The following PTPRR variants were observed in gnomAD, a reference collection of about 807,000 sequenced individuals.
The protein encoded by PTPRR is receptor-type tyrosine-protein phosphatase R.
PTPRR carries 38 observed loss-of-function variants against 77.2 expected under a neutral mutation model. The ratio of observed to expected loss-of-function variants is 0.49; its 90% confidence interval spans 0.38 to 0.65. The LOEUF (loss-of-function observed/expected upper bound fraction) is 0.65. PTPRR is among the 30% of genes least tolerant of loss of function. The probability of loss-of-function intolerance (pLI) is 0.00; values close to 1 mark genes in which losing one functional copy is unlikely to be tolerated. For synonymous variants in PTPRR, 299 were observed against 283.1 expected, an observed-to-expected ratio of 1.06 and a Z score of -0.57; for missense variants, 744 against 799.2, an observed-to-expected ratio of 0.93 and a Z score of 0.83.
At chr12:70,675,213 G>A (rs368899086) in intron 10 of PTPRR, among the ~76,000 whole-genome samples, 3 of 151,862 alleles carry the variant, frequency 2.0e-5, no homozygotes, top group South Asian at 4.2e-4. Context: ...TCCTCTTGTA[G>A]GCAGCATTTA....
intron 7 of PTPRR, 136 bp downstream of exon 7, chr12:70,701,001 G>T: frequency 7.0e-6 from 6 of 855,572 alleles, no homozygotes; most frequent in Non-Finnish European, 7.2e-6. Context: ...GAGACTGAGT[G>T]AATCTAAAAC....
At chr12:70,704,157 G>T (rs1513106) in intron 6 of PTPRR, among the ~76,000 whole-genome samples, 1,939 of 152,082 alleles carry the variant, frequency 0.013, 33 homozygotes, top group Middle Eastern at 0.02. Flanking sequence ...GATGTTGGCT[G>T]ACATCTGTAA....
At chr12:70,741,582 A>G (rs1262580511) in intron 6 of PTPRR, among the ~76,000 whole-genome samples, 1 of 151,912 alleles carries the variant, frequency 6.6e-6, no homozygotes, top group Non-Finnish European at 1.5e-5. Flanking sequence ...GAAAGCAGGG[A>G]AATTTGAGTC....
chr12:70,708,246 T>A (rs533173328), intron 6 of PTPRR, among the ~76,000 whole-genome samples: 61 of 152,256 alleles, frequency 4.0e-4, no homozygotes, highest in African/African-American at 1.4e-3. Context: ...AGCAACACTT[T>A]TGGCATCTGC....
intron 1 of PTPRR, among the ~76,000 whole-genome samples, chr12:70,917,685 TC>T (rs1239032046): frequency 1.3e-5 from 2 of 152,022 alleles, no homozygotes; most frequent in Admixed American, 6.6e-5. Context: ...ATCTTCTTTT[TC>T]CCCCCGATGG....
intron 2 of PTPRR, among the ~76,000 whole-genome samples, chr12:70,859,132 C>T (rs1565720724): frequency 6.6e-6 from 1 of 151,904 alleles, no homozygotes; most frequent in Non-Finnish European, 1.5e-5. Flanking sequence ...TCTATATTAG[C>T]CTTCGTGAAT....
chr12:70,728,788 C>T lies in PTPRR; in HGVS notation c.1007+17030G>A, dbSNP rs576435164. The stretch of plus-strand genomic sequence containing the variant: ...AACTTCTTTATCTCCATTCCTTGTC[C>T]ACACAACACTAAAGAGGATGCCTTC... On this transcript the variant is annotated intron_variant, in intron 6 of 13. Coordinates refer to ENST00000283228, the MANE Select transcript of PTPRR (RefSeq NM_002849.4). Among the ~76,000 whole-genome samples, 23 of 151,872 alleles carry T rather than the reference C, an allele frequency of 1.5e-4. No homozygotes were observed. In the East Asian group the frequency reaches 4.1e-3, roughly 27 times the overall value.
chr12:70,704,060 TG>T (rs1448045629), intron 6 of PTPRR, among the ~76,000 whole-genome samples: 1 of 152,012 alleles, frequency 6.6e-6, no homozygotes, highest in Admixed American at 6.6e-5. Context: ...ATTTTGAAAT[TG>T]GGGAGCAGGC....
chr12:70,712,869 C>T (rs1888878298), intron 6 of PTPRR, among the ~76,000 whole-genome samples: 2 of 150,256 alleles, frequency 1.3e-5, no homozygotes, highest in Admixed American at 1.3e-4. Context: ...TATATACTCC[C>T]TCCTCTTTTT....
chr12:70,737,486 A>AT (rs1555171432), intron 6 of PTPRR, among the ~76,000 whole-genome samples: 6,562 of 144,226 alleles, frequency 0.045, 516 homozygotes, highest in African/African-American at 0.16. Flanking sequence ...TATTTAATGA[A>AT]TATCTATCTA....
At chr12:70,774,861 G>C (rs1165092611) in intron 2 of PTPRR, among the ~76,000 whole-genome samples, 2 of 152,118 alleles carry the variant, frequency 1.3e-5, no homozygotes, top group Non-Finnish European at 1.5e-5. Flanking sequence ...ACCTCCTTCT[G>C]TCTGGATAGA....
chr12:70,920,710 C>T lies in PTPRR; in HGVS notation c.-320G>A. On this transcript the variant is annotated 5_prime_UTR_variant, in exon 1 of 14. Coordinates refer to ENST00000283228, the MANE Select transcript of PTPRR (RefSeq NM_002849.4). The stretch of plus-strand genomic sequence containing the variant: ...GTGGACTCCGCGCCAGCCCAGCAGC[C>T]CAGCAGCAGCGCCGCGGCTACTGAG... The T allele has an allele frequency of 3.1e-6, 1 of 320,982 alleles. No individual in the cohort carries two copies. The highest frequency in any genetic ancestry group is 3.3e-5 in the South Asian group (1 of 30,298). The allele number at this position is 320,982 out of a possible 1,614,324, so 19.9% of individuals were successfully genotyped here. A position where few individuals can be genotyped will look rare whatever the true frequency, so the allele number is the denominator to read the frequency against.
At chr12:70,830,040 A>G (rs1892184264) in intron 2 of PTPRR, among the ~76,000 whole-genome samples, 1 of 152,172 alleles carries the variant, frequency 6.6e-6, no homozygotes, top group African/African-American at 2.4e-5. Context: ...CTCTAGGTCC[A>G]GCACTCATTC....
At chr12:70,796,838 A>T (rs1891524383) in intron 2 of PTPRR, among the ~76,000 whole-genome samples, 1 of 151,850 alleles carries the variant, frequency 6.6e-6, no homozygotes, top group Non-Finnish European at 1.5e-5. Flanking sequence ...GACCAGCCTG[A>T]CCAACATGAT....
chr12:70,651,475 A>C (rs541479192), intron 13 of PTPRR, among the ~76,000 whole-genome samples: 36 of 152,356 alleles, frequency 2.4e-4, no homozygotes, highest in Non-Finnish European at 4.9e-4. Context: ...TATTTTAAGA[A>C]GCAGCAATGT....
intron 2 of PTPRR, among the ~76,000 whole-genome samples, chr12:70,809,595 C>T (rs1284104453): frequency 6.6e-6 from 1 of 152,154 alleles, no homozygotes. Flanking sequence ...CACCACCCCA[C>T]CAGATACAAT....
chr12:70,833,376 G>T (rs1892248261), intron 2 of PTPRR, among the ~76,000 whole-genome samples: 1 of 152,070 alleles, frequency 6.6e-6, no homozygotes. Context: ...GGTGGGTGGG[G>T]GTAAAAATGG....
In PTPRR at chr12:70,661,059, G is replaced by A; in HGVS notation, c.1647C>T (p.Tyr549=). 1.2e-6 allele frequency: 2 copies of A among 1,612,870 alleles called. No homozygotes were observed. Among genetic ancestry groups the A allele is most frequent in the African/African-American group, 1.3e-5 (1 of 75,042 alleles). Residue 549 remains tyrosine, a synonymous_variant, in exon 12 of 14, where the codon TAC becomes TAT. Coordinates refer to ENST00000283228, the MANE Select transcript of PTPRR (RefSeq NM_002849.4). Reference sequence around the variant, plus strand: ...GAGTCTTGTGATCAGGCCATGAGGTGTACCAGTAATGCTTCACATGTTGGG... The same window carrying A: ...GAGTCTTGTGATCAGGCCATGAGGTATACCAGTAATGCTTCACATGTTGGG... ...SHTQHVKHYW[Y]TSWPDHKTPD...
chr12:70,788,113 G>T (rs965442866), intron 2 of PTPRR, among the ~76,000 whole-genome samples: 2 of 152,080 alleles, frequency 1.3e-5, no homozygotes, highest in Non-Finnish European at 2.9e-5. Context: ...TTTCTATACA[G>T]ATTAATAAAT....
Sources: allele counts gnomAD v4.1 joint callset (sites outside exome capture counted in the v4.1 genomes callset), GRCh38; gene constraint gnomAD v4.1.1; transcripts MANE v1.5; gene names NCBI Gene and HGNC (gene_info 2026-07-23, HGNC 2026-07-21).